ZC3H12B: variants seen among roughly 807,000 people sequenced by gnomAD.
ZC3H12B encodes zinc finger CCCH-type containing 12B, also known as probable ribonuclease ZC3H12B.
A neutral mutation model predicts 43.9 loss-of-function variants in ZC3H12B; 7 were observed. The ratio of observed to expected loss-of-function variants is 0.16; its 90% CI spans 0.09 to 0.30. The LOEUF (loss-of-function observed/expected upper bound fraction) is 0.30. ZC3H12B is among the 10% of genes least tolerant of loss of function. The probability of loss-of-function intolerance (pLI) is 1.00; values close to 1 mark genes in which losing one functional copy is unlikely to be tolerated. For missense variants in ZC3H12B, 475 were observed against 670.2 expected (o/e 0.71, Z 3.22); for synonymous variants, 222 against 241.7 (o/e 0.92, Z 0.76).
chrX:65,263,045 G>T, the ZC3H12B span, among the ~76,000 whole-genome samples: 1 of 110,674 alleles, frequency 9.0e-6, no homozygotes, highest in African/African-American at 3.3e-5. Context: ...GTATGACTTT[G>T]GGCAAATTCA....
the ZC3H12B span, among the ~76,000 whole-genome samples, chrX:65,222,473 C>A: frequency 9.1e-6 from 1 of 110,207 alleles, no homozygotes; most frequent in African/African-American, 3.3e-5. Context: ...GCTTCTAAAG[C>A]TGATAAATGA....
chrX:65,163,849 C>T, the ZC3H12B span, among the ~76,000 whole-genome samples: 1 of 112,128 alleles, frequency 8.9e-6, no homozygotes, highest in Non-Finnish European at 1.9e-5. Flanking sequence ...TCAGAAATCA[C>T]GCATCTTCTG....
chrX:65,250,296 A>G, the ZC3H12B span, among the ~76,000 whole-genome samples: 2 of 111,907 alleles, frequency 1.8e-5, no homozygotes, highest in East Asian at 5.6e-4. Flanking sequence ...ATAGTATTCC[A>G]TTGTGTATAT....
chrX:65,275,383 G>T, the ZC3H12B span, among the ~76,000 whole-genome samples: 1 of 113,004 alleles, frequency 8.8e-6, no homozygotes, highest in African/African-American at 3.2e-5. Flanking sequence ...TCTCTAGGTA[G>T]GTCAAGCAAC....
chrX:65,119,268 A>G, the ZC3H12B span, among the ~76,000 whole-genome samples: 2 of 111,502 alleles, frequency 1.8e-5, no homozygotes, highest in South Asian at 3.8e-4. Flanking sequence ...TCCCACCAAC[A>G]GTGTAAAAGT....
chrX:65,389,591 G>A (rs1470081439), intron 2 of ZC3H12B, among the ~76,000 whole-genome samples: 1 of 112,760 alleles, frequency 8.9e-6, no homozygotes, highest in East Asian at 2.8e-4. Flanking sequence ...TCCCAGGTGA[G>A]GCGATGCCTC....
the ZC3H12B span, among the ~76,000 whole-genome samples, chrX:65,354,812 G>A: frequency 8.9e-6 from 1 of 111,807 alleles, no homozygotes; most frequent in Non-Finnish European, 1.9e-5. Flanking sequence ...ATTTCATAAA[G>A]CATTCACATA....
At chrX:65,172,647 T>G in the ZC3H12B span, among the ~76,000 whole-genome samples, 1 of 112,303 alleles carries the variant, frequency 8.9e-6, no homozygotes, top group Admixed American at 9.5e-5. Flanking sequence ...GCATATGGCT[T>G]GCCAGTTTTT....
chrX:65,475,469 A>T, intron 3 of ZC3H12B, among the ~76,000 whole-genome samples: 1 of 109,650 alleles, frequency 9.1e-6, no homozygotes. Context: ...GACTTTGAAT[A>T]TATGTTCCTA....
the ZC3H12B span, among the ~76,000 whole-genome samples, chrX:65,316,710 C>T: frequency 9.0e-6 from 1 of 111,728 alleles, no homozygotes. Context: ...TTACATAGAC[C>T]ATTGATGCTA....
the ZC3H12B span, among the ~76,000 whole-genome samples, chrX:65,198,450 T>G: frequency 8.9e-6 from 1 of 112,002 alleles, no homozygotes; most frequent in Admixed American, 9.5e-5. Flanking sequence ...TTCCTCAACG[T>G]TTTTGAGTGT....
chrX:65,381,196 C>T lies in ZC3H12B; in HGVS notation n.295+12198C>T, dbSNP rs79476948. On this transcript the variant is annotated intron_variant and non_coding_transcript_variant, in intron 2 of 5. Coordinates refer to the ZC3H12B transcript ENST00000617377. ...CACCTAATCCAAAATTGACCGCATACGTGGAAGTAAAGCTCTCCTCAGCAC... is the reference window on the plus strand; with the variant it reads ...CACCTAATCCAAAATTGACCGCATATGTGGAAGTAAAGCTCTCCTCAGCAC... Among the ~76,000 whole-genome samples the T allele has an allele frequency of 1.4e-4, 16 of 110,884 alleles. No homozygotes were observed. The East Asian group carries it at 3.4e-3, about 23-fold the overall frequency.
At chrX:65,302,806 C>T in the ZC3H12B span, among the ~76,000 whole-genome samples, 1 of 111,944 alleles carries the variant, frequency 8.9e-6, no homozygotes, top group Non-Finnish European at 1.9e-5. Context: ...CTAGAAAATA[C>T]ACAAATAATT....
the ZC3H12B span, among the ~76,000 whole-genome samples, chrX:65,104,056 GGT>G: frequency 9.0e-6 from 1 of 111,207 alleles, no homozygotes; most frequent in Non-Finnish European, 1.9e-5. Context: ...GCATGATACT[GGT>G]ACCAAAACAG....
chrX:65,467,212 A>C (rs2067836169), intron 3 of ZC3H12B, among the ~76,000 whole-genome samples: 1 of 107,967 alleles, frequency 9.3e-6, no homozygotes, highest in Non-Finnish European at 1.9e-5. Context: ...TTGGTTTTCC[A>C]TTCCTGAGTT....
chrX:65,392,837 G>A (rs965019668), intron 2 of ZC3H12B, among the ~76,000 whole-genome samples: 2 of 112,888 alleles, frequency 1.8e-5, no homozygotes, highest in African/African-American at 6.4e-5. Flanking sequence ...AAGAGAGATC[G>A]GATTGTTACT....
the ZC3H12B span, among the ~76,000 whole-genome samples, chrX:65,108,524 G>A: frequency 1.8e-5 from 2 of 109,304 alleles, no homozygotes; most frequent in Admixed American, 2.0e-4. Context: ...CACATCTTGT[G>A]CCACTAGAAG....
chrX:65,246,975 C>A, the ZC3H12B span, among the ~76,000 whole-genome samples: 1 of 112,471 alleles, frequency 8.9e-6, no homozygotes, highest in Non-Finnish European at 1.9e-5. Context: ...AGACAACCTA[C>A]AGAATGGGAG....
the ZC3H12B span, among the ~76,000 whole-genome samples, chrX:65,292,673 G>T: frequency 9.2e-6 from 1 of 108,669 alleles, no homozygotes; most frequent in Non-Finnish European, 1.9e-5. Context: ...GTTTACTATT[G>T]AGAATAACTG....
Sources: allele counts gnomAD v4.1 joint callset (sites outside exome capture counted in the v4.1 genomes callset), GRCh38; gene constraint gnomAD v4.1.1; transcripts MANE v1.5; gene names NCBI Gene and HGNC (gene_info 2026-07-23, HGNC 2026-07-21).